Variants in PCSK5 observed in about 807,000 individuals in gnomAD.
PCSK5 encodes the protein prohormone convertase 5.
A neutral mutation model predicts 233.2 loss-of-function variants in PCSK5; 129 were observed. The ratio of observed to expected loss-of-function variants is 0.55; its 90% CI spans 0.48 to 0.64. The LOEUF is 0.64. PCSK5 is among the 30% of genes least tolerant of loss of function. PCSK5 has a pLI of 0.00. For missense variants in PCSK5, 2,076 were observed against 2,430.1 expected (o/e 0.85, Z 3.06); for synonymous variants, 825 against 879.2 (o/e 0.94, Z 1.09).
At chr9:76,108,481 G>A (rs546422576) in intron 9 of PCSK5, among the ~76,000 whole-genome samples, 5 of 152,332 alleles carry the variant, frequency 3.3e-5, no homozygotes, top group Admixed American at 1.3e-4. Flanking sequence ...GTGGCCGGGC[G>A]CGGTGGCTTA....
chr9:75,982,346 T>G (rs1243823510), intron 2 of PCSK5, among the ~76,000 whole-genome samples: 1 of 152,188 alleles, frequency 6.6e-6, no homozygotes, highest in Non-Finnish European at 1.5e-5. Flanking sequence ...AAAAATAGAA[T>G]TACTTCTTTC....
intron 2 of PCSK5, among the ~76,000 whole-genome samples, chr9:75,980,602 A>T (rs922369648): frequency 2.6e-5 from 4 of 152,168 alleles, no homozygotes; most frequent in Admixed American, 6.5e-5. Context: ...AATTTAAACG[A>T]TCTTAATAAT....
intron 32 of PCSK5, among the ~76,000 whole-genome samples, chr9:76,324,010 C>T (rs1366682251): frequency 1.5e-4 from 23 of 149,294 alleles, no homozygotes; most frequent in African/African-American, 5.7e-4. Flanking sequence ...ACTATAACCT[C>T]TGCCTCCTGG....
At chr9:76,337,672 C>T (rs1009576069) in intron 34 of PCSK5, among the ~76,000 whole-genome samples, 1 of 151,868 alleles carries the variant, frequency 6.6e-6, no homozygotes, top group Non-Finnish European at 1.5e-5. Context: ...CAGGGTTTCA[C>T]CATGTTGGCC....
intron 33 of PCSK5, among the ~76,000 whole-genome samples, chr9:76,331,480 A>G (rs1041046127): frequency 7.9e-5 from 12 of 152,098 alleles, no homozygotes; most frequent in Admixed American, 6.5e-4. Flanking sequence ...ATCCTGGCTA[A>G]AACGGTGAAA....
intron 32 of PCSK5, among the ~76,000 whole-genome samples, chr9:76,325,933 G>A (rs932431517): frequency 4.0e-5 from 6 of 150,838 alleles, no homozygotes; most frequent in South Asian, 4.4e-4. Flanking sequence ...CACCATGCCC[G>A]GCCGCCATTG....
intron 3 of PCSK5, among the ~76,000 whole-genome samples, chr9:75,991,055 G>T (rs1018933525): frequency 4.5e-4 from 69 of 152,300 alleles, no homozygotes; most frequent in African/African-American, 1.6e-3. Context: ...CTTATCGCCA[G>T]TGTTCCAGTG....
intron 20 of PCSK5, among the ~76,000 whole-genome samples, chr9:76,211,797 G>A (rs1564111133): frequency 6.6e-6 from 1 of 152,160 alleles, no homozygotes; most frequent in Non-Finnish European, 1.5e-5. Flanking sequence ...GCAGTAAGCT[G>A]TGATTGTGCC....
chr9:76,161,352 C>G (rs936864492), intron 12 of PCSK5, among the ~76,000 whole-genome samples: 1 of 152,104 alleles, frequency 6.6e-6, no homozygotes, highest in Non-Finnish European at 1.5e-5. Context: ...AGGTTTCTTT[C>G]CAGCAAGCAA....
intron 24 of PCSK5, among the ~76,000 whole-genome samples, chr9:76,251,732 C>T (rs7029047): frequency 0.02 from 3,066 of 151,888 alleles, 136 homozygotes; most frequent in African/African-American, 0.069. Flanking sequence ...AAGTATATTA[C>T]CTGACTTAAC....
intron 2 of PCSK5, among the ~76,000 whole-genome samples, chr9:75,978,128 T>C (rs573905135): frequency 1.3e-5 from 2 of 152,330 alleles, no homozygotes; most frequent in South Asian, 2.1e-4. Context: ...CTCCTTTTTT[T>C]CCACTCCCTT....
chr9:76,211,903 CA>C lies in PCSK5; in HGVS notation c.2627-15596del, dbSNP rs1157579790. 2.0e-5 allele frequency among the ~76,000 whole-genome samples: 3 copies of C among 152,126 alleles called. No homozygotes were observed. In the East Asian group the frequency reaches 5.8e-4, roughly 29 times the overall value. ...TACAAGGCACTTAGGTGGGTTGATACAAAATGCTCCTCACTGCACCCGCCAT... is the reference window on the plus strand; with the variant it reads ...TACAAGGCACTTAGGTGGGTTGATACAAATGCTCCTCACTGCACCCGCCAT... On this transcript the variant is annotated intron_variant, in intron 20 of 37. Coordinates refer to ENST00000674117, the MANE Select transcript of PCSK5 (RefSeq NM_001372043.1).
intron 1 of PCSK5, among the ~76,000 whole-genome samples, chr9:75,919,531 G>T (rs1202545404): frequency 6.6e-6 from 1 of 152,162 alleles, no homozygotes; most frequent in Non-Finnish European, 1.5e-5. Context: ...CTGCCAAACT[G>T]TTTTCCAAGT....
chr9:76,215,727 G>T (rs540274026), intron 20 of PCSK5, among the ~76,000 whole-genome samples: 1 of 152,200 alleles, frequency 6.6e-6, no homozygotes, highest in East Asian at 1.9e-4. Flanking sequence ...GATCACCTGG[G>T]GTCAGGAGTG....
At chr9:76,108,032 A>G (rs1420210765) in intron 9 of PCSK5, among the ~76,000 whole-genome samples, 2 of 152,202 alleles carry the variant, frequency 1.3e-5, no homozygotes, top group African/African-American at 4.8e-5. Flanking sequence ...TCTTTTGCAA[A>G]TTTAACACTA....
intron 5 of PCSK5, among the ~76,000 whole-genome samples, chr9:76,030,387 G>A (rs907756559): frequency 2.6e-5 from 4 of 152,034 alleles, no homozygotes; most frequent in Non-Finnish European, 5.9e-5. Context: ...ACCAAATCAA[G>A]ATAACAATTA....
intron 1 of PCSK5, among the ~76,000 whole-genome samples, chr9:75,923,272 A>G (rs190280444): frequency 6.6e-6 from 1 of 152,182 alleles, no homozygotes; most frequent in Admixed American, 6.5e-5. Flanking sequence ...CTTCCTTTGG[A>G]GGGTTGTTGG....
intron 9 of PCSK5, among the ~76,000 whole-genome samples, chr9:76,133,003 A>G (rs191560727): frequency 1.8e-3 from 267 of 152,180 alleles, no homozygotes; most frequent in Non-Finnish European, 3.1e-3. Flanking sequence ...CCTCTGCCTG[A>G]AAGACCTCAG....
rs1474634234 is a variant in PCSK5, at chr9:76,358,842, A to C, written c.5584A>C (p.Lys1862Gln). The change falls in exon 38 of 38, where the codon AAA becomes CAA. Residue 1862 changes from lysine to glutamine, a missense_variant. Around this residue, in one of 6 missense-constraint regions of PCSK5, gnomAD observed 1,510 missense variants for 1,538.1 expected, o/e 0.98. Transcript: ENST00000674117. ...GGGCCAGGATGGCACAGTCTACCGG[A>C]AATTTAAATATGGGCTGCTGGATGA... ...YMGQDGTVYR[K>Q]FKYGLLDDDD... 3 of 1,612,868 alleles carry C rather than the reference A, an allele frequency of 1.9e-6. No individual in the cohort carries two copies. The highest frequency in any genetic ancestry group is 1.7e-6 in the Non-Finnish European group (2 of 1,179,868).
Sources: gnomAD v4.1 joint callset for allele counts (sites outside exome capture counted in the v4.1 genomes callset) on GRCh38, gnomAD v4.1.1 for gene constraint, gnomAD v4.1.1 regional missense constraint, MANE v1.5 for transcripts, NCBI Gene and HGNC (gene_info 2026-07-23, HGNC 2026-07-21) for gene names.